WWC2: variants seen among roughly 807,000 people sequenced by gnomAD.
The protein encoded by WWC2 is protein WWC2.
Under a neutral mutation model 138.5 loss-of-function variants are expected in WWC2, and 101 were observed. The observed-to-expected ratio is 0.73, with a 90% confidence interval of 0.62 to 0.86. The LOEUF (loss-of-function observed/expected upper bound fraction) is 0.86. Among genes scored for constraint, WWC2 ranks in the 40% least tolerant of loss-of-function variants. WWC2 has a pLI of 0.00. For synonymous variants in WWC2, 558 were observed against 538.4 expected (o/e 1.04, Z -0.50); for missense variants, 1,420 against 1,419.4 (o/e 1.00, Z -0.01).
intron 2 of WWC2, among the ~76,000 whole-genome samples, chr4:183,196,193 G>A (rs1338060532): frequency 6.6e-6 from 1 of 152,128 alleles, no homozygotes; most frequent in Non-Finnish European, 1.5e-5. Context: ...GCAGAACCGT[G>A]AGTTAATTAA....
intron 1 of WWC2, among the ~76,000 whole-genome samples, chr4:183,186,551 G>T (rs904932921): frequency 2.6e-5 from 4 of 152,042 alleles, no homozygotes; most frequent in African/African-American, 9.7e-5. Context: ...AGGGTAGGGG[G>T]CATTGAATAT....
At chr4:183,193,735 A>C (rs761423236) in intron 2 of WWC2, 27 bp downstream of exon 2, 2 of 1,560,262 alleles carry the variant, frequency 1.3e-6, no homozygotes, top group African/African-American at 2.7e-5. Context: ...GGTAAAAGCA[A>C]ACATATCAGA....
intron 20 of WWC2, among the ~76,000 whole-genome samples, chr4:183,286,354 A>C (rs1221402880): frequency 3.3e-5 from 5 of 152,180 alleles, no homozygotes; most frequent in Non-Finnish European, 7.3e-5. Context: ...AGACGATGGT[A>C]GAACACATTT....
intron 5 of WWC2, among the ~76,000 whole-genome samples, chr4:183,241,618 C>G (rs932702030): frequency 9.9e-5 from 15 of 152,178 alleles, no homozygotes; most frequent in Non-Finnish European, 1.3e-4. Context: ...TTTCTAGTCT[C>G]TATGCCAGGT....
intron 21 of WWC2, among the ~76,000 whole-genome samples, chr4:183,307,865 A>G (rs953362127): frequency 2.0e-5 from 3 of 152,190 alleles, no homozygotes; most frequent in African/African-American, 7.2e-5. Flanking sequence ...AGCTAATGCA[A>G]TAAGAAAAGA....
chr4:183,152,308 G>A (rs1733655945), intron 1 of WWC2, among the ~76,000 whole-genome samples: 1 of 151,934 alleles, frequency 6.6e-6, no homozygotes, highest in Non-Finnish European at 1.5e-5. Flanking sequence ...AGACCAGCCT[G>A]GGTAACATAG....
chr4:183,282,745 G>A lies in WWC2; in HGVS notation c.2722G>A (p.Ala908Thr). ...MLREASDEIV[A>T]EKEAEVKLPE... ...AAGAGAGGCCTCTGATGAAATTGTG[G>A]CTGAAAAAGAGGCTGAAGTTAAATT... The change falls in exon 18 of 23, where the codon GCT becomes ACT. Residue 908 changes from alanine to threonine, a missense_variant. Physicochemically the swap from Ala to Thr is moderately conservative, Grantham distance 58. Transcript: ENST00000403733. 1 of 1,577,952 alleles carries A rather than the reference G, an allele frequency of 6.3e-7. No homozygotes were observed. The highest frequency in any genetic ancestry group is 8.6e-7 in the Non-Finnish European group (1 of 1,161,024).
At chr4:183,099,662 G>T (rs1178411993) in intron 1 of WWC2, 40 bp downstream of exon 1, 5 of 1,236,522 alleles carry the variant, frequency 4.0e-6, no homozygotes, top group Non-Finnish European at 5.1e-6. Context: ...GTTCGGACAC[G>T]GCGGCTGTTG....
intron 1 of WWC2, among the ~76,000 whole-genome samples, chr4:183,176,603 A>G (rs1734474595): frequency 6.6e-6 from 1 of 151,874 alleles, no homozygotes; most frequent in Non-Finnish European, 1.5e-5. Context: ...TTGTATTTTT[A>G]GTAGAGATGG....
chr4:183,134,981 G>T (rs1424646603), intron 1 of WWC2, among the ~76,000 whole-genome samples: 1 of 151,672 alleles, frequency 6.6e-6, no homozygotes, highest in Non-Finnish European at 1.5e-5. Context: ...GCCCAGGCTG[G>T]AGTGCAGTGG....
At chr4:183,164,274 A>AT (rs1196384412) in intron 1 of WWC2, among the ~76,000 whole-genome samples, 16 of 416 alleles carry the variant, frequency 0.038, no homozygotes, top group African/African-American at 0.041. Flanking sequence ...GCATATATAT[A>AT]TATATATATA....
chr4:183,195,489 C>G (rs1315942157), intron 2 of WWC2, among the ~76,000 whole-genome samples: 1 of 152,194 alleles, frequency 6.6e-6, no homozygotes, highest in African/African-American at 2.4e-5. Flanking sequence ...TCCACCCCTA[C>G]AGATACCTCT....
intron 1 of WWC2, among the ~76,000 whole-genome samples, chr4:183,135,437 T>A (rs1209655658): frequency 6.6e-6 from 1 of 152,072 alleles, no homozygotes; most frequent in Non-Finnish European, 1.5e-5. Context: ...TTTTTCTGAT[T>A]CTATTAATAA....
At chr4:183,186,505 A>C (rs934916580) in intron 1 of WWC2, among the ~76,000 whole-genome samples, 3 of 152,196 alleles carry the variant, frequency 2.0e-5, no homozygotes, top group Non-Finnish European at 4.4e-5. Flanking sequence ...AGTGAATGTC[A>C]AAAGAAGAAT....
chr4:183,106,036 G>T (rs1335008527), intron 1 of WWC2, among the ~76,000 whole-genome samples: 1 of 151,662 alleles, frequency 6.6e-6, no homozygotes, highest in Non-Finnish European at 1.5e-5. Context: ...CTGGGGTGCA[G>T]TGGTGTGATT....
chr4:183,260,879 G>T (rs113464479), intron 10 of WWC2, 31 bp from the exon 11 acceptor site: 1 of 1,607,842 alleles, frequency 6.2e-7, no homozygotes, highest in African/African-American at 1.3e-5. Flanking sequence ...TTTTGTAACA[G>T]ATTTTATGGT....
At chr4:183,228,215 T>G (rs970506685) in intron 4 of WWC2, among the ~76,000 whole-genome samples, 1 of 152,118 alleles carries the variant, frequency 6.6e-6, no homozygotes, top group African/African-American at 2.4e-5. Context: ...ATAGATTTTA[T>G]GGCAAAATGC....
chr4:183,100,283 T>A (rs541257075), intron 1 of WWC2, among the ~76,000 whole-genome samples: 34 of 152,222 alleles, frequency 2.2e-4, no homozygotes, highest in Non-Finnish European at 4.0e-4. Flanking sequence ...GCATATTGTG[T>A]TTGGAAGGGA....
At chr4:183,222,670 A>G (rs1735965803) in intron 4 of WWC2, among the ~76,000 whole-genome samples, 1 of 152,188 alleles carries the variant, frequency 6.6e-6, no homozygotes, top group Admixed American at 6.5e-5. Context: ...TTTACCTTAC[A>G]TATAAAAATA....
Sources: gnomAD v4.1 joint callset for allele counts (sites outside exome capture counted in the v4.1 genomes callset) on GRCh38, gnomAD v4.1.1 for gene constraint, MANE v1.5 for transcripts, NCBI Gene and HGNC (gene_info 2026-07-23, HGNC 2026-07-21) for gene names.